Variants in DMD observed in about 807,000 individuals in gnomAD.
DMD encodes the protein mutant dystrophin.
In DMD, 63 loss-of-function variants were observed where a neutral mutation model predicts 330.1. The observed-to-expected ratio is 0.19, with a 90% CI of 0.16 to 0.24. DMD has a LOEUF of 0.24. DMD is among the 10% of genes least tolerant of loss of function. DMD has a pLI of 1.00. For missense variants in DMD, 3,344 were observed against 2,684.1 expected, an observed-to-expected ratio of 1.25 and a Z score of -5.43; for synonymous variants, 1,223 against 959.8, an observed-to-expected ratio of 1.27 and a Z score of -5.07.
At chrX:32,960,916 TAAAAAAAAAA>T (rs59425093) in intron 2 of DMD, among the ~76,000 whole-genome samples, 1 of 68,694 alleles carries the variant, frequency 1.5e-5, no homozygotes, top group Non-Finnish European at 2.7e-5. Context: ...GCACCATTTG[TAAAAAAAAAA>T]AAAAAAAAAA....
chrX:32,280,323 C>T (rs190206331), intron 43 of DMD, among the ~76,000 whole-genome samples: 3 of 108,937 alleles, frequency 2.8e-5, no homozygotes, highest in Admixed American at 9.9e-5. Context: ...ACTGAATCCA[C>T]GGGATTCCTT....
At chrX:33,149,425 C>T (rs1275538027) in intron 1 of DMD, among the ~76,000 whole-genome samples, 1 of 112,122 alleles carries the variant, frequency 8.9e-6, no homozygotes, top group Non-Finnish European at 1.9e-5. Flanking sequence ...ACAGATGAAG[C>T]TTCACTGGCT....
chrX:31,244,955 G>A (rs2048689505), intron 63 of DMD, among the ~76,000 whole-genome samples: 1 of 111,505 alleles, frequency 9.0e-6, no homozygotes, highest in Admixed American at 9.5e-5. Flanking sequence ...AAAATACATG[G>A]CACGCTCTTA....
chrX:31,126,528 C>A (rs1478283534), intron 78 of DMD, 114 bp downstream of exon 78: 4 of 628,498 alleles, frequency 6.4e-6, no homozygotes, highest in Non-Finnish European at 1.1e-5. Context: ...CATGATGACA[C>A]AATGTGTAAT....
chrX:32,314,421 T>A lies in DMD; in HGVS notation c.5923-4145A>T, dbSNP rs2097575688. The stretch of plus-strand genomic sequence containing the variant: ...TCATGATGGATTAAAGACTTAAACC[T>A]AAGACCTGAAACCATAAAAACTCTA... On this transcript the variant is annotated intron_variant, in intron 41 of 78. Transcript: ENST00000357033. 3.6e-5 allele frequency among the ~76,000 whole-genome samples: 4 copies of A among 111,598 alleles called. No homozygotes were observed. In the South Asian group the frequency reaches 1.5e-3, roughly 42 times the overall value.
chrX:32,720,044 C>T (rs2066123653), intron 7 of DMD, among the ~76,000 whole-genome samples: 1 of 110,421 alleles, frequency 9.1e-6, no homozygotes. Flanking sequence ...AAATAAAATA[C>T]ACAAGATACT....
chrX:32,520,756 C>G (rs1259633049), intron 17 of DMD, among the ~76,000 whole-genome samples: 1 of 111,056 alleles, frequency 9.0e-6, no homozygotes, highest in Non-Finnish European at 1.9e-5. Context: ...CTGCTTGCAC[C>G]TAAATCCTTC....
At position 33,211,390 on chromosome X, in the gene DMD, A is replaced by G; in HGVS notation, c.-78T>C. On this transcript the variant is annotated 5_prime_UTR_variant, in exon 1 of 79. Transcript: ENST00000357033. ...CAAACTTTATTGCTCCAGTAGGCTT[A>G]AAAACAATGAGAAACCAACAAACTT... 1 of 1,181,755 alleles carries G rather than the reference A, an allele frequency of 8.5e-7. No homozygotes were observed. The highest frequency in any genetic ancestry group is 1.1e-6 in the Non-Finnish European group (1 of 879,368).
At chrX:32,567,996 T>C (rs1025060414) in intron 15 of DMD, among the ~76,000 whole-genome samples, 3 of 112,117 alleles carry the variant, frequency 2.7e-5, no homozygotes, top group African/African-American at 9.7e-5. Flanking sequence ...GCCATATGTG[T>C]AAGGCTGAAT....
rs771708217 is a variant in DMD, at chrX:32,407,920, C to G, written c.4233+3832G>C. On this transcript the variant is annotated intron_variant, in intron 30 of 78. Transcript: ENST00000357033. The stretch of plus-strand genomic sequence containing the variant: ...TTCTCACTCATAGGTGGGAATTGAA[C>G]AATGAGAACACATGGACACAGGAAG... 5.2e-3 allele frequency among the ~76,000 whole-genome samples: 471 copies of G among 90,862 alleles called. 5 individuals carry two copies. Among genetic ancestry groups the G allele is most frequent in the African/African-American group, 0.02 (457 of 23,018 alleles). The allele number at this position is 90,862 out of a possible 115,157, so 78.9% of individuals were successfully genotyped here. A position where few individuals can be genotyped will look rare whatever the true frequency, so the allele number is the denominator to read the frequency against.
At chrX:32,144,090 G>A (rs1472569453) in intron 44 of DMD, among the ~76,000 whole-genome samples, 1 of 111,754 alleles carries the variant, frequency 8.9e-6, no homozygotes, top group Non-Finnish European at 1.9e-5. Flanking sequence ...AGGTCACAAT[G>A]TTCTATGGAA....
At chrX:32,468,750 G>A (rs757392348) in intron 22 of DMD, 40 bp from the exon 23 acceptor site, 20 of 1,062,363 alleles carry the variant, frequency 1.9e-5, no homozygotes, top group Non-Finnish European at 2.6e-5. Context: ...CCTAATTGAT[G>A]AATAATAATT....
At chrX:31,722,585 G>C (rs745640764) in intron 52 of DMD, among the ~76,000 whole-genome samples, 1 of 111,241 alleles carries the variant, frequency 9.0e-6, no homozygotes, top group South Asian at 3.8e-4. Context: ...GGTATACTGA[G>C]GGCTGCATCA....
chrX:32,660,025 A>T (rs1247810161), intron 9 of DMD, among the ~76,000 whole-genome samples: 1 of 111,105 alleles, frequency 9.0e-6, no homozygotes, highest in Non-Finnish European at 1.9e-5. Flanking sequence ...AAGCAGTGGA[A>T]AGTTCTTCAA....
Position 32,032,711 on chromosome X carries a change from C to G in DMD, c.6439-64197G>C, listed in dbSNP as rs938803557. ...CAAAGGCAAAGCTCTGATTAGGAGT[C>G]TGTAGGACCAAGCCAACATGCTCAC... is the stretch of plus-strand genomic sequence containing the variant. On this transcript the variant is annotated intron_variant, in intron 44 of 78. Coordinates refer to ENST00000357033, the MANE Select transcript of DMD (RefSeq NM_004006.3). Among the ~76,000 whole-genome samples the G allele has an allele frequency of 7.1e-5, 8 of 112,218 alleles. No individual in the cohort carries two copies. In the East Asian group the frequency reaches 2.0e-3, roughly 28 times the overall value.
intron 44 of DMD, among the ~76,000 whole-genome samples, chrX:32,065,510 G>A (rs770503929): frequency 8.9e-6 from 1 of 112,059 alleles, no homozygotes; most frequent in African/African-American, 3.2e-5. Context: ...TTGCTTAAAT[G>A]AGGAAATAAA....
intron 1 of DMD, among the ~76,000 whole-genome samples, chrX:33,295,865 C>A (rs917035527): frequency 7.2e-5 from 8 of 111,408 alleles, no homozygotes; most frequent in African/African-American, 2.6e-4. Context: ...TAGTGGCTAT[C>A]CTTAGGGAGC....
chrX:31,164,264 T>C (rs183433472), intron 74 of DMD, among the ~76,000 whole-genome samples: 1 of 111,493 alleles, frequency 9.0e-6, no homozygotes, highest in Admixed American at 9.5e-5. Context: ...CTCAGGCTTA[T>C]ATCCTTTCTA....
At chrX:31,315,320 T>A (rs1052146197) in intron 62 of DMD, among the ~76,000 whole-genome samples, 1 of 112,263 alleles carries the variant, frequency 8.9e-6, no homozygotes, top group Non-Finnish European at 1.9e-5. Context: ...CAATCCAGTT[T>A]CAGAGGAGAA....
Sources: allele counts gnomAD v4.1 joint callset (sites outside exome capture counted in the v4.1 genomes callset), GRCh38; gene constraint gnomAD v4.1.1; transcripts MANE v1.5; gene names NCBI Gene and HGNC (gene_info 2026-07-23, HGNC 2026-07-21).